LRRC52: variants seen among roughly 807,000 people sequenced by gnomAD.
The protein encoded by LRRC52 is leucine-rich repeat-containing protein 52.
LRRC52 carries 15 observed loss-of-function variants against 14.7 expected under a neutral mutation model. That is an observed-to-expected ratio of 1.02 (90% CI 0.68 to 1.58). The LOEUF (loss-of-function observed/expected upper bound fraction) is 1.58. LRRC52 is among the 40% of genes most tolerant of loss of function. The pLI, the probability that LRRC52 is intolerant of heterozygous loss-of-function variation, is 0.00. For synonymous variants in LRRC52, 180 were observed against 163.9 expected, an observed-to-expected ratio of 1.10 and a Z score of -0.75; for missense variants, 400 against 387.7, an observed-to-expected ratio of 1.03 and a Z score of -0.27.
At chr1:165,552,136 G>A (rs1661144668) in intron 1 of LRRC52, among the ~76,000 whole-genome samples, 4 of 152,226 alleles carry the variant, frequency 2.6e-5, no homozygotes, top group South Asian at 4.2e-4. Flanking sequence ...GAAGGGATAG[G>A]AGCAGCAAGC....
In LRRC52 at chr1:165,544,929, G is replaced by A. The variant is rs1660987070; in HGVS notation, c.622+11G>A. On this transcript the variant is annotated intron_variant, in intron 1 of 1. Transcript: ENST00000294818. ...ATATGGACCCCTCAGGTGAGGGCTTGATTGGGTGTGGGGAAGAGGATGTGA... is the reference window on the plus strand; with the variant it reads ...ATATGGACCCCTCAGGTGAGGGCTTAATTGGGTGTGGGGAAGAGGATGTGA... 7 of 1,611,148 alleles carry A rather than the reference G, an allele frequency of 4.3e-6. No individual in the cohort carries two copies. Among genetic ancestry groups the A allele is most frequent in the Non-Finnish European group, 5.9e-6 (7 of 1,177,692 alleles).
rs1335317189 is a variant in LRRC52 at position 165,556,494 on chromosome 1, GCA to G, written c.623-7005_623-7004del. ...CTAGGATGGATTAGACCAGGAGTCA[GCA>G]CACACTTTCCAGAAAAGGCCAATAG... On this transcript the variant is annotated intron_variant, in intron 1 of 1. Transcript: ENST00000294818. 8.5e-5 allele frequency among the ~76,000 whole-genome samples: 13 copies of G among 152,342 alleles called. No individual in the cohort carries two copies. The East Asian group carries it at 2.5e-3, about 29-fold the overall frequency.
rs765065841 is a variant in LRRC52, at chr1:165,563,570, A to G, written c.688A>G (p.Asn230Asp). 34 of 1,614,078 alleles carry G rather than the reference A, an allele frequency of 2.1e-5. No homozygotes were observed. In the Middle Eastern group the frequency reaches 4.9e-4, roughly 23 times the overall value. ...AGGGTGGCCCATCACCCGGGTGGGG[A>G]ACCCACTCCGATACATGTGCATCAC... ...LTGWPITRVG[N>D]PLRYMCITHL... The change falls in exon 2 of 2, where the codon AAC (asparagine) becomes GAC (aspartate). Residue 230 changes from asparagine (N) to aspartate (D), a missense_variant. Coordinates refer to ENST00000294818, the MANE Select transcript of LRRC52 (RefSeq NM_001005214.4).
chr1:165,553,241 G>A (rs1661170731), intron 1 of LRRC52, among the ~76,000 whole-genome samples: 1 of 152,178 alleles, frequency 6.6e-6, no homozygotes, highest in African/African-American at 2.4e-5. Flanking sequence ...TAGGACAGCA[G>A]GAGCCCCCAG....
chr1:165,547,741 G>A (rs148489165), intron 1 of LRRC52, among the ~76,000 whole-genome samples: 3 of 151,842 alleles, frequency 2.0e-5, no homozygotes, highest in East Asian at 3.9e-4. Flanking sequence ...ACCTACTTAC[G>A]TACCCATCCA....
intron 1 of LRRC52, among the ~76,000 whole-genome samples, chr1:165,554,303 G>T (rs1432369446): frequency 6.6e-6 from 1 of 152,094 alleles, no homozygotes; most frequent in African/African-American, 2.4e-5. Flanking sequence ...AAACAAACAG[G>T]GTGAGCAGAG....
intron 1 of LRRC52, among the ~76,000 whole-genome samples, chr1:165,554,953 A>G (rs1661203927): frequency 6.6e-6 from 1 of 152,204 alleles, no homozygotes; most frequent in Non-Finnish European, 1.5e-5. Context: ...TCCCTATTTG[A>G]CATTTACAAA....
chr1:165,544,806 A>C lies in LRRC52; in HGVS notation c.510A>C (p.Leu170Phe). Residue 170 changes from leucine to phenylalanine, a missense_variant, in exon 1 of 2, where the codon TTA becomes TTC. Transcript: ENST00000294818. Reference sequence around the variant, plus strand: ...TGCAGACCCTGGACAGTGCTGCCTTATACCACCTCACTACTCTGGAGACCC... The same window carrying C: ...TGCAGACCCTGGACAGTGCTGCCTTCTACCACCTCACTACTCTGGAGACCC... The part of the protein sequence containing the change: ...TGLQTLDSAA[L>F]YHLTTLETLF... The C allele has an allele frequency of 6.2e-7, 1 of 1,614,020 alleles. No individual in the cohort carries two copies.
intron 1 of LRRC52, among the ~76,000 whole-genome samples, chr1:165,560,921 G>A (rs1243755354): frequency 1.3e-5 from 2 of 152,146 alleles, no homozygotes; most frequent in African/African-American, 4.8e-5. Context: ...TTCACAGGAG[G>A]TCAGAGGACT....
chr1:165,551,482 T>A (rs1661130517), intron 1 of LRRC52, among the ~76,000 whole-genome samples: 2 of 152,158 alleles, frequency 1.3e-5, no homozygotes, highest in Non-Finnish European at 2.9e-5. Context: ...CATTTGCAAT[T>A]TGACAGGGAA....
chr1:165,544,748 CTTT>C lies in LRRC52; in HGVS notation c.453_455del (p.Leu152del). On this transcript the variant is annotated inframe_deletion, in exon 1 of 2. Transcript: ENST00000294818. ...AAGTTCACCTTTGCCAACACCACCT[CTTT>C]GAGGTACCTGGACCTCAGAAATACC... 6.2e-7 allele frequency: 1 copy of C among 1,614,146 alleles called. No homozygotes were observed. The highest frequency in any genetic ancestry group is 8.5e-7 in the Non-Finnish European group (1 of 1,180,044).
intron 1 of LRRC52, among the ~76,000 whole-genome samples, chr1:165,558,966 A>G (rs772046043): frequency 6.6e-6 from 1 of 152,266 alleles, no homozygotes; most frequent in Non-Finnish European, 1.5e-5. Context: ...ATGTTAAACA[A>G]AGTAAACTTT....
intron 1 of LRRC52, among the ~76,000 whole-genome samples, chr1:165,560,840 G>A (rs1661325001): frequency 6.6e-6 from 1 of 152,168 alleles, no homozygotes; most frequent in African/African-American, 2.4e-5. Flanking sequence ...CTGAGAAGGA[G>A]GGAAGGGGAG....
At chr1:165,546,609 C>T (rs1478433523) in intron 1 of LRRC52, among the ~76,000 whole-genome samples, 1 of 152,096 alleles carries the variant, frequency 6.6e-6, no homozygotes, top group African/African-American at 2.4e-5. Flanking sequence ...CCCTCCCCAC[C>T]ATACATGCAC....
At chr1:165,559,520 G>A (rs1335758583) in intron 1 of LRRC52, among the ~76,000 whole-genome samples, 2 of 152,166 alleles carry the variant, frequency 1.3e-5, no homozygotes, top group East Asian at 3.8e-4. Flanking sequence ...AGAGACAATA[G>A]ATGTTTATAA....
At chr1:165,546,217 C>T (rs74120736) in intron 1 of LRRC52, among the ~76,000 whole-genome samples, 1,009 of 42,990 alleles carry the variant, frequency 0.023, 3 homozygotes, top group African/African-American at 0.054. Flanking sequence ...GCACTGAGAG[C>T]GAGTGCACTG....
At chr1:165,553,955 G>A (rs1289513072) in intron 1 of LRRC52, among the ~76,000 whole-genome samples, 2 of 152,136 alleles carry the variant, frequency 1.3e-5, no homozygotes, top group African/African-American at 2.4e-5. Flanking sequence ...CATTGTCCTT[G>A]AGATGCTCAC....
intron 1 of LRRC52, among the ~76,000 whole-genome samples, chr1:165,550,102 G>A (rs1201253465): frequency 6.6e-6 from 1 of 152,210 alleles, no homozygotes; most frequent in African/African-American, 2.4e-5. Flanking sequence ...GCAAGTGGGA[G>A]GACTAATTCC....
At chr1:165,548,383 C>T (rs1179512535) in intron 1 of LRRC52, among the ~76,000 whole-genome samples, 1 of 152,142 alleles carries the variant, frequency 6.6e-6, no homozygotes, top group Admixed American at 6.5e-5. Flanking sequence ...AGGTAACTAA[C>T]CAAGAAACCT....
Sources: gnomAD v4.1 joint callset for allele counts (sites outside exome capture counted in the v4.1 genomes callset) on GRCh38, gnomAD v4.1.1 for gene constraint, MANE v1.5 for transcripts, NCBI Gene and HGNC (gene_info 2026-07-23, HGNC 2026-07-21) for gene names.